EYS: variants seen among roughly 807,000 people sequenced by gnomAD.
The protein encoded by EYS is protein eyes shut homolog.
Under a neutral mutation model 282.1 loss-of-function variants are expected in EYS, and 250 were observed. The ratio of observed to expected loss-of-function variants is 0.89; its 90% CI spans 0.80 to 0.98. EYS has a LOEUF of 0.98. EYS is among the 50% of genes least tolerant of loss of function. EYS has a pLI of 0.00. For missense variants in EYS, 4,016 were observed against 3,709.0 expected (o/e 1.08, Z -2.15); for synonymous variants, 1,355 against 1,282.9 (o/e 1.06, Z -1.20).
At chr6:64,633,928 C>G (rs959903203) in intron 22 of EYS, among the ~76,000 whole-genome samples, 14 of 152,254 alleles carry the variant, frequency 9.2e-5, no homozygotes, top group African/African-American at 3.1e-4. Flanking sequence ...CCCAGACAAG[C>G]TGCTCTTAAA....
chr6:63,968,869 G>A (rs1766425682), intron 35 of EYS, among the ~76,000 whole-genome samples: 1 of 152,170 alleles, frequency 6.6e-6, no homozygotes, highest in South Asian at 2.1e-4. Context: ...GTTTTAGTCA[G>A]TAATGCAAAT....
intron 24 of EYS, among the ~76,000 whole-genome samples, chr6:64,598,186 C>A (rs1487050831): frequency 6.6e-6 from 1 of 152,166 alleles, no homozygotes; most frequent in Non-Finnish European, 1.5e-5. Context: ...AGGGGCCAGG[C>A]GTGGTGGCTC....
At chr6:63,814,655 A>T (rs1486209662) in intron 36 of EYS, among the ~76,000 whole-genome samples, 1 of 152,236 alleles carries the variant, frequency 6.6e-6, no homozygotes, top group Non-Finnish European at 1.5e-5. Context: ...TTAGATGCAT[A>T]ATTCTTAGAA....
chr6:63,946,969 C>T (rs968346447), intron 35 of EYS, among the ~76,000 whole-genome samples: 1 of 150,990 alleles, frequency 6.6e-6, no homozygotes, highest in Admixed American at 6.6e-5. Flanking sequence ...ACCTATGTAC[C>T]CATAAAAATT....
intron 22 of EYS, among the ~76,000 whole-genome samples, chr6:64,655,460 G>C (rs1182239360): frequency 6.6e-6 from 1 of 151,614 alleles, no homozygotes; most frequent in African/African-American, 2.4e-5. Flanking sequence ...TTATATATTT[G>C]AGTCTTCTTA....
intron 35 of EYS, among the ~76,000 whole-genome samples, chr6:63,867,725 T>TG (rs1772702762): frequency 6.6e-6 from 1 of 152,212 alleles, no homozygotes. Context: ...TACTAAAAGC[T>TG]GGTCTGTGAA....
chr6:63,893,829 T>C (rs1390089780), intron 35 of EYS, among the ~76,000 whole-genome samples: 1 of 152,222 alleles, frequency 6.6e-6, no homozygotes, highest in Non-Finnish European at 1.5e-5. Context: ...CCTACTCAGC[T>C]GACACAGCTC....
intron 31 of EYS, among the ~76,000 whole-genome samples, chr6:64,100,676 T>A (rs1354596552): frequency 2.6e-5 from 4 of 152,192 alleles, no homozygotes; most frequent in African/African-American, 9.7e-5. Flanking sequence ...CCTGACACTT[T>A]CATACTGGCA....
intron 36 of EYS, among the ~76,000 whole-genome samples, chr6:63,837,932 G>C (rs1185794524): frequency 6.6e-6 from 1 of 152,100 alleles, no homozygotes; most frequent in Non-Finnish European, 1.5e-5. Context: ...TGAATTTTGA[G>C]TTTTCTTGTC....
At chr6:64,986,500 C>T (rs1270355598) in intron 14 of EYS, among the ~76,000 whole-genome samples, 1 of 6,532 alleles carries the variant, frequency 1.5e-4, no homozygotes, top group East Asian at 3.8e-3. Context: ...CAGTCCTATG[C>T]AATTTTTTTT....
intron 1 of EYS, among the ~76,000 whole-genome samples, chr6:65,682,280 G>C (rs1344700636): frequency 6.6e-6 from 1 of 151,880 alleles, no homozygotes; most frequent in Non-Finnish European, 1.5e-5. Context: ...AGTTTCATCA[G>C]AGGGTTGCTA....
At chr6:64,509,829 A>T (rs9345182) in intron 26 of EYS, among the ~76,000 whole-genome samples, 45,660 of 151,974 alleles carry the variant, frequency 0.3, 6,907 homozygotes, top group East Asian at 0.47. Context: ...ATAATTGCAA[A>T]CTTTTGTTAG....
chr6:64,294,142 A>G (rs1030277648), intron 30 of EYS, among the ~76,000 whole-genome samples: 2 of 152,152 alleles, frequency 1.3e-5, no homozygotes, highest in East Asian at 3.8e-4. Flanking sequence ...TTACTGTTGG[A>G]AAAAACCTTG....
intron 22 of EYS, among the ~76,000 whole-genome samples, chr6:64,748,760 T>C (rs1219077946): frequency 6.6e-6 from 1 of 152,198 alleles, no homozygotes; most frequent in Admixed American, 6.5e-5. Flanking sequence ...TCACATACTA[T>C]TTAAAATTTT....
At chr6:63,771,517 G>A (rs1769925300) in intron 40 of EYS, among the ~76,000 whole-genome samples, 2 of 152,144 alleles carry the variant, frequency 1.3e-5, no homozygotes, top group African/African-American at 4.8e-5. Flanking sequence ...GTTGATTGTA[G>A]CTTTTAGGCA....
At chr6:65,612,598 G>A (rs1386577056) in intron 2 of EYS, among the ~76,000 whole-genome samples, 1 of 151,532 alleles carries the variant, frequency 6.6e-6, no homozygotes, top group Non-Finnish European at 1.5e-5. Flanking sequence ...AGTTAACTAA[G>A]CAACAACTAA....
At chr6:63,974,371 A>AG (rs1641516283) in intron 35 of EYS, among the ~76,000 whole-genome samples, 1 of 152,096 alleles carries the variant, frequency 6.6e-6, no homozygotes, top group South Asian at 2.1e-4. Context: ...AGTCAAAAAA[A>AG]CATATTACCA....
chr6:65,471,045 G>T (rs1765192388), intron 5 of EYS, among the ~76,000 whole-genome samples: 1 of 152,032 alleles, frequency 6.6e-6, no homozygotes, highest in Non-Finnish European at 1.5e-5. Flanking sequence ...ACTGAGGCAG[G>T]AGAATCGCTT....
chr6:65,332,969 ATT>A (rs1769850524), intron 11 of EYS, among the ~76,000 whole-genome samples: 1 of 151,240 alleles, frequency 6.6e-6, no homozygotes, highest in African/African-American at 2.4e-5. Context: ...TTTCAGTAAT[ATT>A]TTATATCTTA....
Sources: gnomAD v4.1 joint callset for allele counts (sites outside exome capture counted in the v4.1 genomes callset) on GRCh38, gnomAD v4.1.1 for gene constraint, MANE v1.5 for transcripts, NCBI Gene and HGNC (gene_info 2026-07-23, HGNC 2026-07-21) for gene names.